The following NETO1 variants were observed in gnomAD, a reference collection of about 807,000 sequenced individuals.
NETO1 encodes neuropilin and tolloid-like protein 1.
A neutral mutation model predicts 61.3 loss-of-function variants in NETO1; 26 were observed. That is an observed-to-expected ratio of 0.42 (90% confidence interval 0.31 to 0.59). The LOEUF (loss-of-function observed/expected upper bound fraction) is 0.59. Among genes scored for constraint, NETO1 ranks in the 20% least tolerant of loss-of-function variants. The pLI is 0.12. For missense variants in NETO1, 531 were observed against 662.8 expected, an observed-to-expected ratio of 0.80 and a Z score of 2.18; for synonymous variants, 225 against 225.8, an observed-to-expected ratio of 1.00 and a Z score of 0.03.
At chr18:72,768,551 G>A (rs2145165063) in intron 7 of NETO1, among the ~76,000 whole-genome samples, 2 of 152,284 alleles carry the variant, frequency 1.3e-5, no homozygotes, top group Middle Eastern at 3.4e-3. Flanking sequence ...ACTTTATATG[G>A]AAAAAGGGAT....
chr18:72,845,035 A>G (rs1001887103), intron 4 of NETO1, among the ~76,000 whole-genome samples: 2 of 152,234 alleles, frequency 1.3e-5, no homozygotes, highest in Non-Finnish European at 2.9e-5. Flanking sequence ...GGGTATAAAC[A>G]CACTGTAAGC....
chr18:72,754,640 T>C (rs543091745), intron 8 of NETO1, among the ~76,000 whole-genome samples: 14 of 152,248 alleles, frequency 9.2e-5, no homozygotes, highest in African/African-American at 3.4e-4. Flanking sequence ...TACACACATA[T>C]ATGAATTTAG....
Position 72,750,600 on chromosome 18 carries a change from G to T in NETO1, c.1003C>A (p.Leu335Met). The part of the protein sequence containing the change: ...HCKEKRKTSL[L>M]DQLTNTSGTV... ...CCACTGGTGTTGGTCAGCTGGTCCA[G>T]CAGGCTGGTTTTCCTCTTCTCTATA... The change falls in exon 9 of 11, where the codon CTG becomes ATG. Residue 335 changes from leucine to methionine, a missense_variant. Transcript: ENST00000327305. 1 of 1,606,628 alleles carries T rather than the reference G, an allele frequency of 6.2e-7. No homozygotes were observed. Among genetic ancestry groups the T allele is most frequent in the Non-Finnish European group, 8.5e-7 (1 of 1,178,570 alleles).
intron 3 of NETO1, among the ~76,000 whole-genome samples, chr18:72,863,811 TGTG>T (rs1482740774): frequency 6.6e-6 from 1 of 152,082 alleles, no homozygotes; most frequent in Admixed American, 6.5e-5. Context: ...TGTGTGTGTG[TGTG>T]GGGGGAAGGT....
chr18:72,813,146 G>A (rs536448539), intron 4 of NETO1, among the ~76,000 whole-genome samples: 3 of 152,254 alleles, frequency 2.0e-5, no homozygotes, highest in East Asian at 1.9e-4. Flanking sequence ...TAAGAGGGAC[G>A]ATGCCTTGCT....
At chr18:72,792,077 T>C (rs956500186) in intron 6 of NETO1, among the ~76,000 whole-genome samples, 1 of 152,194 alleles carries the variant, frequency 6.6e-6, no homozygotes, top group Non-Finnish European at 1.5e-5. Flanking sequence ...TTCCACTTTA[T>C]GTGCAAGCCT....
chr18:72,835,372 G>T, intron 4 of NETO1: 1 of 1,484,426 alleles, frequency 6.7e-7, no homozygotes, highest in Non-Finnish European at 9.3e-7. Flanking sequence ...ATATGATCAG[G>T]CATGAATTGT....
intron 7 of NETO1, among the ~76,000 whole-genome samples, chr18:72,761,668 T>C (rs1021210305): frequency 1.6e-4 from 24 of 152,336 alleles, no homozygotes; most frequent in East Asian, 5.8e-4. Flanking sequence ...GAGGCTTGGA[T>C]AACAGGGACA....
chr18:72,772,815 CTCTCTCTCTCTATATA>C (rs1273169021), intron 7 of NETO1, among the ~76,000 whole-genome samples: 13 of 53,818 alleles, frequency 2.4e-4, no homozygotes, highest in Non-Finnish European at 4.0e-4. Flanking sequence ...CTCTCTCTCT[CTCTCTCTCTCTATATA>C]TATATATATA....
At chr18:72,811,265 C>A (rs1809198208) in intron 4 of NETO1, among the ~76,000 whole-genome samples, 1 of 152,146 alleles carries the variant, frequency 6.6e-6, no homozygotes, top group Non-Finnish European at 1.5e-5. Context: ...TAACGTGAAA[C>A]CCATGACTCA....
At chr18:72,782,469 C>A (rs978637628) in intron 7 of NETO1, among the ~76,000 whole-genome samples, 22 of 152,072 alleles carry the variant, frequency 1.4e-4, no homozygotes, top group Non-Finnish European at 2.2e-4. Context: ...CCCTTTTTTC[C>A]CACAACGTCA....
In NETO1 at chr18:72,867,093, G is replaced by T. The variant is rs2145712383; in HGVS notation, c.28+171C>A. 3 of 501,420 alleles carry T rather than the reference G, an allele frequency of 6.0e-6. No individual in the cohort carries two copies. In the South Asian group the frequency reaches 1.3e-4, roughly 22 times the overall value. The allele number at this position is 501,420 out of a possible 1,614,324, so 31.1% of individuals were successfully genotyped here. The stretch of plus-strand genomic sequence containing the variant: ...ACGGCTGACCGCGCGCCGCCCCCAC[G>T]CCCGGTTCCACGATGCTGCAATACA... On this transcript the variant is annotated intron_variant, in intron 1 of 10. Coordinates refer to ENST00000327305, the MANE Select transcript of NETO1 (RefSeq NM_138966.5).
chr18:72,838,978 C>T (rs1274571706), intron 4 of NETO1, among the ~76,000 whole-genome samples: 2 of 152,126 alleles, frequency 1.3e-5, no homozygotes, highest in African/African-American at 4.8e-5. Flanking sequence ...GTTTTAGAAG[C>T]TAAAACAGAT....
intron 4 of NETO1, among the ~76,000 whole-genome samples, chr18:72,806,438 C>T (rs994758777): frequency 2.6e-5 from 4 of 152,080 alleles, no homozygotes; most frequent in East Asian, 1.9e-4. Flanking sequence ...CTCCACCTAC[C>T]GTATGGATTT....
chr18:72,857,133 G>T (rs555086240), intron 4 of NETO1, among the ~76,000 whole-genome samples: 2 of 152,258 alleles, frequency 1.3e-5, no homozygotes, highest in African/African-American at 4.8e-5. Context: ...TCCCTCATAT[G>T]CCAAATGTAG....
At position 72,794,253 on chromosome 18, in the gene NETO1, C is replaced by G. The variant is rs1448434691; in HGVS notation, c.512-9G>C. 7 of 1,614,112 alleles carry G rather than the reference C, an allele frequency of 4.3e-6. No individual in the cohort carries two copies. The highest frequency in any genetic ancestry group is 5.9e-6 in the Non-Finnish European group (7 of 1,180,004). ...CATCTCAAACTCACACGCTAAATAA[C>G]AAAATGCCAAACAAACACACAAAAA... On this transcript the variant is annotated splice_polypyrimidine_tract_variant and intron_variant, in intron 5 of 10. Transcript: ENST00000327305.
chr18:72,856,558 G>C (rs2074415667), intron 4 of NETO1, among the ~76,000 whole-genome samples: 1 of 152,144 alleles, frequency 6.6e-6, no homozygotes, highest in Admixed American at 6.5e-5. Context: ...TATTCTGTGA[G>C]TTGCTCAATA....
chr18:72,761,493 C>A (rs979111797), intron 7 of NETO1, among the ~76,000 whole-genome samples: 3 of 151,978 alleles, frequency 2.0e-5, no homozygotes, highest in Admixed American at 6.6e-5. Flanking sequence ...TTTAATGAGA[C>A]CATCAAGATA....
At chr18:72,829,128 C>G (rs2073488720) in intron 4 of NETO1, among the ~76,000 whole-genome samples, 1 of 152,002 alleles carries the variant, frequency 6.6e-6, no homozygotes, top group Non-Finnish European at 1.5e-5. Flanking sequence ...TAATTTCACT[C>G]AGAAATTGAA....
Sources: gnomAD v4.1 joint callset for allele counts (sites outside exome capture counted in the v4.1 genomes callset) on GRCh38, gnomAD v4.1.1 for gene constraint, MANE v1.5 for transcripts, NCBI Gene and HGNC (gene_info 2026-07-23, HGNC 2026-07-21) for gene names.